The following REPS2 variants were observed in gnomAD, a reference collection of about 807,000 sequenced individuals.
REPS2 encodes the protein ralBP1-associated Eps domain-containing protein 2.
A neutral mutation model predicts 53.6 loss-of-function variants in REPS2; 23 were observed. The observed-to-expected ratio is 0.43, with a 90% CI of 0.31 to 0.61. The LOEUF is 0.61. Among genes scored for constraint, REPS2 ranks in the 20% least tolerant of loss-of-function variants. REPS2 has a pLI of 0.11. For synonymous variants in REPS2, 238 were observed against 218.6 expected (o/e 1.09, Z -0.78); for missense variants, 446 against 534.9 (o/e 0.83, Z 1.64).
Position 17,104,284 on chromosome X carries a change from G to C in REPS2, c.1578+505G>C, listed in dbSNP as rs188656426. 5.4e-5 allele frequency among the ~76,000 whole-genome samples: 6 copies of C among 111,927 alleles called. No homozygotes were observed. The East Asian group carries it at 1.7e-3, about 32-fold the overall frequency. ...AGAACAAAAAGCTGAGATAGCAGGA[G>C]GGGGAGAACATGTCACCAAGATCTG... On this transcript the variant is annotated intron_variant, in intron 14 of 17. Coordinates refer to ENST00000357277, the MANE Select transcript of REPS2 (RefSeq NM_004726.3).
At chrX:16,969,813 A>C (rs918403001) in intron 1 of REPS2, among the ~76,000 whole-genome samples, 29 of 106,783 alleles carry the variant, frequency 2.7e-4, no homozygotes, top group Middle Eastern at 4.9e-3. Flanking sequence ...AGAGGGAGAG[A>C]TTTGGTTTTC....
chrX:17,041,829 TCTC>T (rs2061833530), intron 5 of REPS2, among the ~76,000 whole-genome samples: 1 of 112,491 alleles, frequency 8.9e-6, no homozygotes. Flanking sequence ...TCTTAAGTTC[TCTC>T]CAACAATGCT....
intron 1 of REPS2, among the ~76,000 whole-genome samples, chrX:16,965,109 C>A (rs1602524830): frequency 1.1e-5 from 1 of 92,114 alleles, no homozygotes; most frequent in African/African-American, 4.1e-5. Flanking sequence ...CCACCTCCCT[C>A]CCGGACGGGG....
At chrX:17,026,546 C>T (rs1205847201) in intron 4 of REPS2, among the ~76,000 whole-genome samples, 1 of 107,611 alleles carries the variant, frequency 9.3e-6, no homozygotes, top group South Asian at 4.1e-4. Context: ...ACTGAGTCAG[C>T]CTGTCAGCAA....
intron 1 of REPS2, among the ~76,000 whole-genome samples, chrX:17,000,182 T>G (rs2061289370): frequency 9.0e-6 from 1 of 111,690 alleles, no homozygotes; most frequent in Non-Finnish European, 1.9e-5. Context: ...CATAGGAAGC[T>G]CCTGTTTGAA....
intron 1 of REPS2, among the ~76,000 whole-genome samples, chrX:16,977,715 C>T (rs1414648825): frequency 1.7e-4 from 2 of 11,726 alleles, no homozygotes; most frequent in African/African-American, 1.1e-3. Flanking sequence ...GACCCTGTCT[C>T]TAAAAAAAAA....
intron 1 of REPS2, among the ~76,000 whole-genome samples, chrX:16,966,453 G>A (rs867004443): frequency 8.9e-6 from 1 of 112,228 alleles, no homozygotes; most frequent in Non-Finnish European, 1.9e-5. Context: ...ATCTCTTGGG[G>A]ATGGGACCCA....
chrX:16,975,935 A>G (rs979417904), intron 1 of REPS2, among the ~76,000 whole-genome samples: 13 of 112,387 alleles, frequency 1.2e-4, no homozygotes, highest in African/African-American at 3.9e-4. Flanking sequence ...AAAGTTCACT[A>G]TAAAACTTAC....
intron 1 of REPS2, among the ~76,000 whole-genome samples, chrX:16,988,271 G>A (rs899348250): frequency 1.8e-5 from 2 of 111,210 alleles, no homozygotes; most frequent in African/African-American, 6.5e-5. Flanking sequence ...GAGTGACACC[G>A]CCTGTCTCAG....
chrX:16,993,443 G>T (rs2061186958), intron 1 of REPS2, among the ~76,000 whole-genome samples: 1 of 111,525 alleles, frequency 9.0e-6, no homozygotes, highest in Non-Finnish European at 1.9e-5. Flanking sequence ...ACCCTGTGTG[G>T]GTTTTGATCC....
chrX:17,176,257 T>G, the REPS2 span, among the ~76,000 whole-genome samples: 1 of 112,016 alleles, frequency 8.9e-6, no homozygotes, highest in South Asian at 3.8e-4. Flanking sequence ...GCACCCTTGC[T>G]TGGCCTCCTT....
At chrX:17,039,494 G>A (rs897062362) in intron 5 of REPS2, among the ~76,000 whole-genome samples, 2 of 111,928 alleles carry the variant, frequency 1.8e-5, no homozygotes, top group East Asian at 2.8e-4. Flanking sequence ...TTAATAGTTC[G>A]CCAGCCAAAA....
At chrX:17,100,392 C>T (rs112351813) in intron 13 of REPS2, among the ~76,000 whole-genome samples, 2,770 of 112,561 alleles carry the variant, frequency 0.025, 92 homozygotes, top group African/African-American at 0.086. Flanking sequence ...GCGCTATTGG[C>T]GCATTGGGTC....
chrX:17,012,263 C>T (rs2061438556), intron 2 of REPS2, among the ~76,000 whole-genome samples: 1 of 109,811 alleles, frequency 9.1e-6, no homozygotes, highest in Non-Finnish European at 1.9e-5. Flanking sequence ...CCTGTAGTCC[C>T]AGCTACTCAG....
At position 16,995,765 on chromosome X, in the gene REPS2, G is replaced by A. The variant is rs184814124; in HGVS notation, c.274-10456G>A. 4.4e-3 allele frequency among the ~76,000 whole-genome samples: 496 copies of A among 111,716 alleles called. 1 individual carries two copies. Among genetic ancestry groups the A allele is most frequent in the African/African-American group, 0.016 (483 of 30,704 alleles). On this transcript the variant is annotated intron_variant, in intron 1 of 17. Coordinates refer to ENST00000357277, the MANE Select transcript of REPS2 (RefSeq NM_004726.3). ...AACCTTACTCTGAGGAGGCTGGCCCGGTTCGAAGCTGGCTGCTCCAGGGCA... is the reference window on the plus strand; with the variant it reads ...AACCTTACTCTGAGGAGGCTGGCCCAGTTCGAAGCTGGCTGCTCCAGGGCA...
intron 8 of REPS2, among the ~76,000 whole-genome samples, chrX:17,059,998 A>AGTCTCCTTTTGATAGTTTCATCAAG (rs1378012883): frequency 2.9e-3 from 173 of 60,341 alleles, no homozygotes; most frequent in Middle Eastern, 0.024. Flanking sequence ...GTTTCATCAA[A>AGTCTCCTTTTGATAGTTTCATCAAG]AGTCTCCTTT....
Position 17,147,769 on chromosome X carries a change from G to A in REPS2, c.*288G>A, listed in dbSNP as rs899045573. The stretch of plus-strand genomic sequence containing the variant: ...AGATGCTGCTCCTTACCAAAAATCA[G>A]TCTTCTAGCAAATAAAAATAACTTA... On this transcript the variant is annotated 3_prime_UTR_variant, in exon 18 of 18. Coordinates refer to ENST00000357277, the MANE Select transcript of REPS2 (RefSeq NM_004726.3). 1.4e-5 allele frequency: 3 copies of A among 218,870 alleles called. No individual in the cohort carries two copies. Among genetic ancestry groups the A allele is most frequent in the Non-Finnish European group, 2.5e-5 (3 of 121,828 alleles). 18.0% of individuals were successfully genotyped at this position (218,870 alleles called of 1,213,427 possible).
In REPS2 at chrX:17,039,325, T is replaced by C. The variant is rs1307461578; in HGVS notation, c.772-8022T>C. Among the ~76,000 whole-genome samples, 6 of 112,468 alleles carry C rather than the reference T, an allele frequency of 5.3e-5. No homozygotes were observed. The East Asian group carries it at 1.4e-3, about 26-fold the overall frequency. On this transcript the variant is annotated intron_variant, in intron 5 of 17. Coordinates refer to ENST00000357277, the MANE Select transcript of REPS2 (RefSeq NM_004726.3). ...AGTGGTTACTAATGAGCATTTCTTA[T>C]GTTAATCAAAATACTGTTAGCGCCA... is the stretch of plus-strand genomic sequence containing the variant.
chrX:17,188,816 A>G, the REPS2 span, among the ~76,000 whole-genome samples: 1 of 112,268 alleles, frequency 8.9e-6, no homozygotes, highest in South Asian at 3.7e-4. Context: ...TTTTAGATTT[A>G]TAATGGATTG....
Sources: allele counts gnomAD v4.1 joint callset (sites outside exome capture counted in the v4.1 genomes callset), GRCh38; gene constraint gnomAD v4.1.1; transcripts MANE v1.5; gene names NCBI Gene and HGNC (gene_info 2026-07-23, HGNC 2026-07-21).